COL23A1: variants seen among roughly 807,000 people sequenced by gnomAD.
COL23A1 encodes collagen type XXIII alpha 1 chain.
Under a neutral mutation model 99.3 loss-of-function variants are expected in COL23A1, and 97 were observed. That is an observed-to-expected ratio of 0.98 (90% CI 0.83 to 1.16). The LOEUF (loss-of-function observed/expected upper bound fraction) is 1.16. Ranked by LOEUF, COL23A1 falls within the 50% of genes most tolerant of loss-of-function variation. The probability of loss-of-function intolerance (pLI) is 0.00; values close to 1 mark genes in which losing one functional copy is unlikely to be tolerated. For synonymous variants in COL23A1, 320 were observed against 308.2 expected (o/e 1.04, Z -0.40); for missense variants, 762 against 757.4 (o/e 1.01, Z -0.07).
At position 178,480,514 on chromosome 5, in the gene COL23A1, G is replaced by A. The variant is rs113886898; in HGVS notation, c.361+80168C>T. 3.9e-3 allele frequency among the ~76,000 whole-genome samples: 596 copies of A among 152,328 alleles called. 5 individuals carry two copies. The highest frequency in any genetic ancestry group is 0.013 in the African/African-American group (561 of 41,556). On this transcript the variant is annotated intron_variant, in intron 2 of 28. Transcript: ENST00000390654. ...CACTAACACCATTGCAACCCAGTTT[G>A]AAAGCACCAGGCCTGTGAGCATTCT... is the stretch of plus-strand genomic sequence containing the variant.
intron 1 of COL23A1, among the ~76,000 whole-genome samples, chr5:178,561,599 A>G (rs1234359713): frequency 6.6e-6 from 1 of 152,226 alleles, no homozygotes. Context: ...GTTGAGCGGA[A>G]TGAAGCAATT....
chr5:178,522,112 A>T (rs1051863992), intron 2 of COL23A1, among the ~76,000 whole-genome samples: 1 of 152,178 alleles, frequency 6.6e-6, no homozygotes, highest in Non-Finnish European at 1.5e-5. Context: ...AAAAAAAGAA[A>T]GAACTTTGTG....
At chr5:178,449,658 G>A (rs116280064) in intron 2 of COL23A1, among the ~76,000 whole-genome samples, 245 of 151,506 alleles carry the variant, frequency 1.6e-3, no homozygotes, top group African/African-American at 5.6e-3. Flanking sequence ...CAACGATGCC[G>A]CACCTCCCCC....
At chr5:178,354,113 C>T (rs1761488805) in intron 2 of COL23A1, among the ~76,000 whole-genome samples, 1 of 152,006 alleles carries the variant, frequency 6.6e-6, no homozygotes, top group Admixed American at 6.6e-5. Flanking sequence ...ACTTTTCCCA[C>T]TGGATACTGT....
intron 25 of COL23A1, among the ~76,000 whole-genome samples, chr5:178,242,743 CT>C (rs1370575631): frequency 6.6e-6 from 1 of 152,216 alleles, no homozygotes; most frequent in African/African-American, 2.4e-5. Context: ...AGTTATGTCA[CT>C]GTCTGATGGG....
At chr5:178,390,201 C>A (rs574044774) in intron 2 of COL23A1, among the ~76,000 whole-genome samples, 135 of 152,318 alleles carry the variant, frequency 8.9e-4, no homozygotes, top group Non-Finnish European at 1.7e-3. Context: ...ATGAATATAT[C>A]ATTTACTATC....
chr5:178,326,853 G>A (rs755345570), intron 2 of COL23A1, among the ~76,000 whole-genome samples: 21 of 152,210 alleles, frequency 1.4e-4, no homozygotes, highest in Non-Finnish European at 2.5e-4. Context: ...CTGGGTAGCT[G>A]GGACTACAGG....
chr5:178,513,755 G>A (rs1759347687), intron 2 of COL23A1, among the ~76,000 whole-genome samples: 1 of 152,048 alleles, frequency 6.6e-6, no homozygotes, highest in Non-Finnish European at 1.5e-5. Context: ...AGCTCCTAGA[G>A]GCCACTGCTT....
chr5:178,391,803 T>C (rs1022594639), intron 2 of COL23A1, among the ~76,000 whole-genome samples: 1 of 152,170 alleles, frequency 6.6e-6, no homozygotes, highest in Non-Finnish European at 1.5e-5. Flanking sequence ...TTATTAAAAA[T>C]GGCCCAAAAG....
intron 2 of COL23A1, among the ~76,000 whole-genome samples, chr5:178,466,096 C>T (rs569382368): frequency 1.3e-5 from 2 of 152,164 alleles, no homozygotes; most frequent in Non-Finnish European, 2.9e-5. Context: ...AGACACACAT[C>T]GGCCTCCAAG....
intron 27 of COL23A1, among the ~76,000 whole-genome samples, 172 bp from the exon 28 acceptor site, chr5:178,239,351 G>A (rs1401358457): frequency 6.6e-6 from 1 of 151,908 alleles, no homozygotes; most frequent in East Asian, 1.9e-4. Flanking sequence ...CAGGTAGTGG[G>A]GTCATGGGGT....
Position 178,398,282 on chromosome 5 carries a change from G to A in COL23A1, c.362-91363C>T, listed in dbSNP as rs150473618. Among the ~76,000 whole-genome samples the A allele has an allele frequency of 2.9e-3, 439 of 152,234 alleles. 4 individuals are homozygous for A. Among genetic ancestry groups the A allele is most frequent in the Non-Finnish European group, 4.3e-3 (293 of 68,010 alleles). ...GAACAGTCTTCATGTGCTTTCACAC[G>A]TTTATTTGTAAAATAACTCCAAAGA... On this transcript the variant is annotated intron_variant, in intron 2 of 28. Coordinates refer to ENST00000390654, the MANE Select transcript of COL23A1 (RefSeq NM_173465.4).
At chr5:178,497,757 T>C (rs7726676) in intron 2 of COL23A1, among the ~76,000 whole-genome samples, 4,855 of 152,176 alleles carry the variant, frequency 0.032, 176 homozygotes, top group African/African-American at 0.083. Flanking sequence ...AATAGGAGAT[T>C]AGATAAAGCT....
chr5:178,485,494 C>T (rs1156544776), intron 2 of COL23A1, among the ~76,000 whole-genome samples: 2 of 138,802 alleles, frequency 1.4e-5, no homozygotes, highest in Admixed American at 1.5e-4. Context: ...GAAAAAAGTC[C>T]GGGTGTGGTG....
At position 178,246,147 on chromosome 5, in the gene COL23A1, TGCGAAGTGCAGGGACCCA is replaced by T. The variant is rs1764680723; in HGVS notation, c.1413+89_1413+106del. On this transcript the variant is annotated intron_variant, in intron 24 of 28. Transcript: ENST00000390654. ...ATCCACAGAGCCTGAACTCTGGCCCTGCGAAGTGCAGGGACCCAGTGAGGTACAGGGTTGGGGTCCCCG... is the reference window on the plus strand; with the variant it reads ...ATCCACAGAGCCTGAACTCTGGCCCTGTGAGGTACAGGGTTGGGGTCCCCG... 5 of 1,329,272 alleles carry T rather than the reference TGCGAAGTGCAGGGACCCA, an allele frequency of 3.8e-6. No homozygotes were observed. In the South Asian group the frequency reaches 4.9e-5, roughly 13 times the overall value. 82.3% of individuals were successfully genotyped at this position (1,329,272 alleles called of 1,614,324 possible).
At chr5:178,305,485 G>T (rs1264856817) in intron 3 of COL23A1, among the ~76,000 whole-genome samples, 4 of 152,220 alleles carry the variant, frequency 2.6e-5, no homozygotes, top group Non-Finnish European at 2.9e-5. Flanking sequence ...TTGCTTAGGG[G>T]CTGGGCATTC....
intron 5 of COL23A1, among the ~76,000 whole-genome samples, chr5:178,275,065 G>C (rs1406218366): frequency 6.6e-6 from 1 of 151,974 alleles, no homozygotes; most frequent in Admixed American, 6.5e-5. Context: ...CTGGGACCCC[G>C]GATGGGCAGC....
intron 5 of COL23A1, among the ~76,000 whole-genome samples, chr5:178,275,753 T>C (rs542960679): frequency 6.6e-6 from 1 of 152,224 alleles, no homozygotes; most frequent in South Asian, 2.1e-4. Flanking sequence ...AACTACAAAG[T>C]CAGCTGGTCG....
At chr5:178,566,772 T>C (rs1762862180) in intron 1 of COL23A1, among the ~76,000 whole-genome samples, 1 of 151,664 alleles carries the variant, frequency 6.6e-6, no homozygotes, top group Non-Finnish European at 1.5e-5. Flanking sequence ...GCCAAGATCG[T>C]GCCACTGCAC....
Sources: allele counts gnomAD v4.1 joint callset (sites outside exome capture counted in the v4.1 genomes callset), GRCh38; gene constraint gnomAD v4.1.1; transcripts MANE v1.5; gene names NCBI Gene and HGNC (gene_info 2026-07-23, HGNC 2026-07-21).